Variants in EBF2 observed in about 807,000 individuals in gnomAD.
EBF2 encodes transcription factor COE2.
Under a neutral mutation model 72.8 loss-of-function variants are expected in EBF2, and 21 were observed. The ratio of observed to expected loss-of-function variants is 0.29; its 90% CI spans 0.20 to 0.42. The LOEUF is 0.42. Among genes scored for constraint, EBF2 ranks in the 10% least tolerant of loss-of-function variants. EBF2 has a pLI of 1.00. For missense variants in EBF2, 637 were observed against 731.2 expected, an observed-to-expected ratio of 0.87 and a Z score of 1.49; for synonymous variants, 299 against 274.2, an observed-to-expected ratio of 1.09 and a Z score of -0.89.
intron 6 of EBF2, among the ~76,000 whole-genome samples, chr8:25,948,786 G>A (rs1184950139): frequency 6.6e-6 from 1 of 152,142 alleles, no homozygotes; most frequent in Non-Finnish European, 1.5e-5. Context: ...TGGGAACTCT[G>A]GGAGCTCCAC....
chr8:25,927,452 C>G (rs1410182181), intron 6 of EBF2, among the ~76,000 whole-genome samples: 4 of 151,136 alleles, frequency 2.6e-5, no homozygotes, highest in Admixed American at 6.6e-5. Flanking sequence ...CCTATTGGTC[C>G]TTTTCTCTGG....
chr8:25,973,365 C>T (rs1431302173), intron 6 of EBF2, among the ~76,000 whole-genome samples: 2 of 152,176 alleles, frequency 1.3e-5, no homozygotes, highest in Non-Finnish European at 2.9e-5. Context: ...CATTTCAGTG[C>T]CTTTGATCCT....
chr8:25,902,041 G>A (rs1314290690), intron 7 of EBF2, among the ~76,000 whole-genome samples: 2 of 152,146 alleles, frequency 1.3e-5, no homozygotes, highest in Non-Finnish European at 2.9e-5. Flanking sequence ...ATAAATGAAT[G>A]AGTACCTCTA....
At chr8:25,882,289 C>T (rs1802616459) in intron 10 of EBF2, among the ~76,000 whole-genome samples, 1 of 152,124 alleles carries the variant, frequency 6.6e-6, no homozygotes, top group African/African-American at 2.4e-5. Flanking sequence ...CCGTCGCATG[C>T]CCTGCGAGGG....
At chr8:25,977,427 C>T (rs1223005823) in intron 6 of EBF2, among the ~76,000 whole-genome samples, 1 of 152,118 alleles carries the variant, frequency 6.6e-6, no homozygotes, top group East Asian at 1.9e-4. Flanking sequence ...CACAGCACCC[C>T]ACATGCAGAG....
At chr8:25,871,086 G>T (rs974730245) in intron 10 of EBF2, among the ~76,000 whole-genome samples, 3 of 152,132 alleles carry the variant, frequency 2.0e-5, no homozygotes, top group Non-Finnish European at 4.4e-5. Context: ...ACAACTCTTT[G>T]GTTCCAGACT....
At chr8:26,037,250 A>G (rs1225967233) in intron 5 of EBF2, among the ~76,000 whole-genome samples, 2 of 152,194 alleles carry the variant, frequency 1.3e-5, no homozygotes, top group Admixed American at 6.5e-5. Context: ...GAAAGGGAAA[A>G]AGAGGAATAA....
chr8:26,018,358 G>T (rs1271405239), intron 6 of EBF2, among the ~76,000 whole-genome samples: 1 of 151,462 alleles, frequency 6.6e-6, no homozygotes, highest in Non-Finnish European at 1.5e-5. Flanking sequence ...CTGTAAAGAA[G>T]TAAGAGAGAA....
chr8:25,866,194 T>C (rs1175141833), intron 10 of EBF2, among the ~76,000 whole-genome samples: 1 of 151,908 alleles, frequency 6.6e-6, no homozygotes, highest in Non-Finnish European at 1.5e-5. Flanking sequence ...GTTCTCTTAA[T>C]CCTATTCTTG....
intron 6 of EBF2, among the ~76,000 whole-genome samples, chr8:25,931,520 T>C (rs1379588762): frequency 6.6e-6 from 1 of 152,186 alleles, no homozygotes; most frequent in African/African-American, 2.4e-5. Context: ...TCACTCCAAA[T>C]TGCTCCTTTG....
intron 6 of EBF2, among the ~76,000 whole-genome samples, chr8:25,962,936 A>G (rs1220234748): frequency 2.0e-5 from 3 of 152,188 alleles, no homozygotes; most frequent in Non-Finnish European, 4.4e-5. Flanking sequence ...AGGTCCTCGC[A>G]TTACAAAGTG....
chr8:25,886,662 G>C, intron 10 of EBF2, 93 bp downstream of exon 10: 1 of 1,423,240 alleles, frequency 7.0e-7, no homozygotes, highest in South Asian at 1.6e-5. Context: ...AAAAGACCTA[G>C]AAAAATCAGG....
intron 15 of EBF2, among the ~76,000 whole-genome samples, chr8:25,848,883 AAG>A (rs763653547): frequency 6.6e-6 from 1 of 152,184 alleles, no homozygotes; most frequent in Non-Finnish European, 1.5e-5. Flanking sequence ...AGAACTTAAA[AAG>A]AGGAAACATC....
chr8:26,029,827 G>T (rs1276523490), intron 6 of EBF2, among the ~76,000 whole-genome samples: 5 of 152,182 alleles, frequency 3.3e-5, no homozygotes, highest in African/African-American at 1.2e-4. Context: ...TGGACGCAGA[G>T]ACCAGACGCA....
At chr8:25,937,554 T>C (rs543372248) in intron 6 of EBF2, among the ~76,000 whole-genome samples, 1 of 152,324 alleles carries the variant, frequency 6.6e-6, no homozygotes, top group African/African-American at 2.4e-5. Flanking sequence ...ACTATTGACA[T>C]GGGCGATGGG....
At chr8:25,899,611 T>C (rs944127398) in intron 7 of EBF2, among the ~76,000 whole-genome samples, 17 of 152,160 alleles carry the variant, frequency 1.1e-4, no homozygotes, top group Non-Finnish European at 2.5e-4. Flanking sequence ...CATTAAAAAG[T>C]TTTATATAAG....
At chr8:25,849,255 C>T (rs73550071) in intron 15 of EBF2, among the ~76,000 whole-genome samples, 1 of 152,328 alleles carries the variant, frequency 6.6e-6, no homozygotes, top group African/African-American at 2.4e-5. Flanking sequence ...TTGACAGTTT[C>T]TCTGTAGAGT....
intron 10 of EBF2, among the ~76,000 whole-genome samples, chr8:25,880,091 C>T (rs1367273841): frequency 6.6e-6 from 1 of 151,910 alleles, no homozygotes; most frequent in East Asian, 1.9e-4. Flanking sequence ...CCTCTTTTTC[C>T]ACAATGTATA....
At chr8:26,015,294 G>A (rs1805090799) in intron 6 of EBF2, among the ~76,000 whole-genome samples, 1 of 152,346 alleles carries the variant, frequency 6.6e-6, no homozygotes, top group South Asian at 2.1e-4. Flanking sequence ...GACATGCAGT[G>A]TGTCTTACGA....
Sources: allele counts gnomAD v4.1 joint callset (sites outside exome capture counted in the v4.1 genomes callset), GRCh38; gene constraint gnomAD v4.1.1; transcripts MANE v1.5; gene names NCBI Gene and HGNC (gene_info 2026-07-23, HGNC 2026-07-21).